Variants in EIF2S1 observed in about 807,000 individuals in gnomAD.
EIF2S1 encodes the protein eukaryotic translation initiation factor 2 subunit alpha.
A neutral mutation model predicts 33.5 loss-of-function variants in EIF2S1; 5 were observed. The ratio of observed to expected loss-of-function variants is 0.15; its 90% CI spans 0.08 to 0.31. The LOEUF (loss-of-function observed/expected upper bound fraction) is 0.31, where lower values mean the gene tolerates loss of function less well. Among genes scored for constraint, EIF2S1 ranks in the 10% least tolerant of loss-of-function variants. The pLI, the probability that EIF2S1 is intolerant of heterozygous loss-of-function variation, is 1.00. For synonymous variants in EIF2S1, 99 were observed against 127.5 expected (o/e 0.78, Z 1.51); for missense variants, 191 against 384.6 (o/e 0.50, Z 4.21).
intron 5 of EIF2S1, 120 bp from the exon 6 acceptor site, chr14:67,381,471 TAG>T (rs1382647607): frequency 1.5e-6 from 1 of 674,654 alleles, no homozygotes; most frequent in African/African-American, 1.8e-5. Flanking sequence ...AACTGCAGTA[TAG>T]AGAGGTTGGA....
chr14:67,379,747 C>T (rs893116514), intron 4 of EIF2S1, among the ~76,000 whole-genome samples: 35 of 139,362 alleles, frequency 2.5e-4, no homozygotes, highest in Admixed American at 6.5e-4. Context: ...CTCCGCCTCC[C>T]GGGTTCACAC....
In EIF2S1 at chr14:67,383,557, T is replaced by TAA; in HGVS notation, c.*118_*119dup. 7.0e-7 allele frequency: 1 copy of TAA among 1,419,138 alleles called. No individual in the cohort carries two copies. The highest frequency in any genetic ancestry group is 9.6e-7 in the Non-Finnish European group (1 of 1,041,094). The allele number at this position is 1,419,138 out of a possible 1,614,324, so 87.9% of individuals were successfully genotyped here. ...TTCAAAGCTGAATATTTTTTATTTC[T>TAA]AAGTATTTAAATGTTCTAACAGATC... On this transcript the variant is annotated 3_prime_UTR_variant, in exon 8 of 8. Transcript: ENST00000256383.
chr14:67,375,710 TAATA>T (rs2085854260), intron 3 of EIF2S1, among the ~76,000 whole-genome samples: 1 of 152,198 alleles, frequency 6.6e-6, no homozygotes, highest in Non-Finnish European at 1.5e-5. Flanking sequence ...AATATCTTCT[TAATA>T]AACTCTAGGA....
At position 67,370,002 on chromosome 14, in the gene EIF2S1, CA is replaced by C. The variant is rs1215431555; in HGVS notation, c.242-4463del. ...GATTTACCCACATATTTATTAACAG[CA>C]AACCAGTCATTAGCATTGTTTCTAT... On this transcript the variant is annotated intron_variant, in intron 2 of 7. Transcript: ENST00000256383. 3.3e-5 allele frequency among the ~76,000 whole-genome samples: 5 copies of C among 152,212 alleles called. No homozygotes were observed. In the South Asian group the frequency reaches 1.0e-3, roughly 31 times the overall value.
chr14:67,361,259 G>T (rs187899233), intron 1 of EIF2S1, among the ~76,000 whole-genome samples: 2 of 152,286 alleles, frequency 1.3e-5, no homozygotes, highest in Admixed American at 1.3e-4. Context: ...GTATAGCAGA[G>T]AAGTCTTTAT....
In EIF2S1 at chr14:67,373,366, A is replaced by G. The variant is rs2085836863; in HGVS notation, c.242-1102A>G. Among the ~76,000 whole-genome samples, 3 of 152,196 alleles carry G rather than the reference A, an allele frequency of 2.0e-5. No homozygotes were observed. The South Asian group carries it at 6.2e-4, about 31-fold the overall frequency. On this transcript the variant is annotated intron_variant, in intron 2 of 7. Coordinates refer to ENST00000256383, the MANE Select transcript of EIF2S1 (RefSeq NM_004094.5). Reference sequence around the variant, plus strand: ...TGAAAAAGAATGCTCAGAATCTGAAATAAAATCAGTGTATATGAACAGAAT... The same window carrying G: ...TGAAAAAGAATGCTCAGAATCTGAAGTAAAATCAGTGTATATGAACAGAAT...
chr14:67,372,832 A>G (rs2085831897), intron 2 of EIF2S1, among the ~76,000 whole-genome samples: 1 of 152,018 alleles, frequency 6.6e-6, no homozygotes, highest in South Asian at 2.1e-4. Context: ...ATCTCAAAAA[A>G]AAAAACAAAA....
rs1321894098 is a variant in EIF2S1, at chr14:67,383,764, T to A, written c.*324T>A. The stretch of plus-strand genomic sequence containing the variant: ...TGGCACCCCTTTCTAGTTCAATGCC[T>A]CACGAGATTTGCCAGGGGCATCCAA... On this transcript the variant is annotated 3_prime_UTR_variant, in exon 8 of 8. Coordinates refer to ENST00000256383, the MANE Select transcript of EIF2S1 (RefSeq NM_004094.5). The A allele has an allele frequency of 3.2e-6, 1 of 310,656 alleles. No individual in the cohort carries two copies. Among genetic ancestry groups the A allele is most frequent in the Non-Finnish European group, 6.3e-6 (1 of 158,800 alleles). 19.2% of individuals were successfully genotyped at this position (310,656 alleles called of 1,614,324 possible).
In EIF2S1 at chr14:67,380,652, T is replaced by C; in HGVS notation, c.474-7T>C. 1 of 1,470,580 alleles carries C rather than the reference T, an allele frequency of 6.8e-7. No homozygotes were observed. Among genetic ancestry groups the C allele is most frequent in the Non-Finnish European group, 9.1e-7 (1 of 1,097,354 alleles). 91.1% of individuals were successfully genotyped at this position (1,470,580 alleles called of 1,614,324 possible). ...ACCTTTTGTTATTTATTTATGTTTT[T>C]GACCAGAGACCCATCTATTTTGGAT... On this transcript the variant is annotated splice_polypyrimidine_tract_variant and splice_region_variant and intron_variant, in intron 4 of 7. Transcript: ENST00000256383.
intron 2 of EIF2S1, 36 bp from the exon 3 acceptor site, chr14:67,374,432 G>A (rs536456450): frequency 2.1e-6 from 3 of 1,416,292 alleles, no homozygotes; most frequent in Admixed American, 1.8e-5. Flanking sequence ...AGTGGCATCT[G>A]GACAGAGATG....
In EIF2S1 at chr14:67,385,526, C is replaced by T. The variant is rs1243301971; in HGVS notation, c.*2086C>T. The T allele has an allele frequency of 2.0e-5, 3 of 151,910 alleles. No individual in the cohort carries two copies. Among genetic ancestry groups the T allele is most frequent in the Non-Finnish European group, 4.4e-5 (3 of 67,998 alleles). 9.4% of individuals were successfully genotyped at this position (151,910 alleles called of 1,614,324 possible). A position where few individuals can be genotyped will look rare whatever the true frequency, so the allele number is the denominator to read the frequency against. ...CAATTTCATCTACTCCCTACTGTAC[C>T]TTTCACTGATGTCAAGTGGCTATCA... On this transcript the variant is annotated 3_prime_UTR_variant, in exon 8 of 8. Transcript: ENST00000256383.
At chr14:67,367,181 G>A (rs1255923755) in intron 2 of EIF2S1, among the ~76,000 whole-genome samples, 1 of 152,234 alleles carries the variant, frequency 6.6e-6, no homozygotes, top group Non-Finnish European at 1.5e-5. Context: ...TGGGGAGACA[G>A]AGCTTATAGT....
chr14:67,383,582 C>G lies in EIF2S1; in HGVS notation c.*142C>G, dbSNP rs1566618807. Reference sequence around the variant, plus strand: ...TAAGTATTTAAATGTTCTAACAGATCAGAACATGAAATGCCCTCCTAAATG... The same window carrying G: ...TAAGTATTTAAATGTTCTAACAGATGAGAACATGAAATGCCCTCCTAAATG... On this transcript the variant is annotated 3_prime_UTR_variant, in exon 8 of 8. Coordinates refer to ENST00000256383, the MANE Select transcript of EIF2S1 (RefSeq NM_004094.5). 6 of 1,233,872 alleles carry G rather than the reference C, an allele frequency of 4.9e-6. No homozygotes were observed. The highest frequency in any genetic ancestry group is 6.8e-6 in the Non-Finnish European group (6 of 886,192). 76.4% of individuals were successfully genotyped at this position (1,233,872 alleles called of 1,614,324 possible).
intron 2 of EIF2S1, among the ~76,000 whole-genome samples, chr14:67,372,826 C>CA (rs61111379): frequency 0.17 from 24,177 of 138,216 alleles, 3,469 homozygotes; most frequent in East Asian, 0.43. Context: ...GACTCCATCT[C>CA]AAAAAAAAAA....
chr14:67,380,894 T>A, intron 5 of EIF2S1, 129 bp downstream of exon 5: 1 of 459,664 alleles, frequency 2.2e-6, no homozygotes, highest in Non-Finnish European at 3.8e-6. Context: ...TTGTTTTTTA[T>A]AACAAAAGCT....
chr14:67,373,292 A>C (rs1278280279), intron 2 of EIF2S1, among the ~76,000 whole-genome samples: 7 of 152,204 alleles, frequency 4.6e-5, no homozygotes, highest in Non-Finnish European at 1.0e-4. Context: ...CAAAGAACTT[A>C]ACACTAAAAG....
At chr14:67,380,019 AG>A (rs1457051918) in intron 4 of EIF2S1, among the ~76,000 whole-genome samples, 1 of 152,076 alleles carries the variant, frequency 6.6e-6, no homozygotes, top group African/African-American at 2.4e-5. Context: ...AGCCTCCCAA[AG>A]TGCTGGGATT....
In EIF2S1 at chr14:67,383,463, T is replaced by C. The variant is rs200889859; in HGVS notation, c.*23T>C. ...TAACTTTGTGGGAAACAGAGTCCAA[T>C]TTAAGGAACACAGAGCAGCGCTTCC... is the stretch of plus-strand genomic sequence containing the variant. On this transcript the variant is annotated 3_prime_UTR_variant, in exon 8 of 8. Transcript: ENST00000256383. The C allele has an allele frequency of 6.2e-7, 1 of 1,611,108 alleles. No individual in the cohort carries two copies. The highest frequency in any genetic ancestry group is 1.3e-5 in the African/African-American group (1 of 74,976).
At chr14:67,366,460 G>A (rs1490451609) in intron 2 of EIF2S1, among the ~76,000 whole-genome samples, 2 of 152,268 alleles carry the variant, frequency 1.3e-5, no homozygotes, top group Non-Finnish European at 2.9e-5. Context: ...TGGCATACTT[G>A]CTTACGTACA....
Sources: gnomAD v4.1 joint callset for allele counts (sites outside exome capture counted in the v4.1 genomes callset) on GRCh38, gnomAD v4.1.1 for gene constraint, MANE v1.5 for transcripts, NCBI Gene and HGNC (gene_info 2026-07-23, HGNC 2026-07-21) for gene names.